ULK4: variants seen among roughly 807,000 people sequenced by gnomAD.
ULK4 encodes the protein unc-51 like kinase 4.
Under a neutral mutation model 160.6 loss-of-function variants are expected in ULK4, and 133 were observed. The observed-to-expected ratio is 0.83, with a 90% CI of 0.72 to 0.96. The LOEUF (loss-of-function observed/expected upper bound fraction) is 0.96, where lower values mean the gene tolerates loss of function less well. Among genes scored for constraint, ULK4 ranks in the 40% least tolerant of loss-of-function variants. The pLI, the probability that ULK4 is intolerant of heterozygous loss-of-function variation, is 0.00. For missense variants in ULK4, 1,580 were observed against 1,499.5 expected, an observed-to-expected ratio of 1.05 and a Z score of -0.89; for synonymous variants, 534 against 539.8, an observed-to-expected ratio of 0.99 and a Z score of 0.15.
intron 19 of ULK4, among the ~76,000 whole-genome samples, chr3:41,803,178 A>G (rs986670121): frequency 6.6e-6 from 1 of 152,090 alleles, no homozygotes; most frequent in African/African-American, 2.4e-5. Context: ...TCTCAAAAAA[A>G]AAAAGATTTG....
chr3:41,609,278 A>T (rs182354073), intron 31 of ULK4, among the ~76,000 whole-genome samples: 29 of 152,284 alleles, frequency 1.9e-4, no homozygotes, highest in African/African-American at 7.0e-4. Context: ...AGTTCAGCCC[A>T]TTTATTCAGG....
At chr3:41,433,866 C>T (rs2082971789) in intron 34 of ULK4, among the ~76,000 whole-genome samples, 1 of 152,180 alleles carries the variant, frequency 6.6e-6, no homozygotes, top group African/African-American at 2.4e-5. Flanking sequence ...ACTACAGGCG[C>T]CCGCCACCAC....
At chr3:41,952,057 A>C (rs1700310627) in intron 2 of ULK4, among the ~76,000 whole-genome samples, 1 of 152,218 alleles carries the variant, frequency 6.6e-6, no homozygotes, top group Non-Finnish European at 1.5e-5. Flanking sequence ...TTTAACTCAA[A>C]ATGAGTCAAA....
intron 19 of ULK4, among the ~76,000 whole-genome samples, chr3:41,816,087 T>A (rs895299123): frequency 1.3e-5 from 2 of 151,888 alleles, no homozygotes; most frequent in Non-Finnish European, 2.9e-5. Context: ...TGTATGTGTA[T>A]ACACACATAC....
chr3:41,570,120 T>C (rs1014791329), intron 31 of ULK4, among the ~76,000 whole-genome samples: 4 of 152,206 alleles, frequency 2.6e-5, no homozygotes, highest in Non-Finnish European at 4.4e-5. Flanking sequence ...ACACTGCATC[T>C]GACTCTGAAA....
At chr3:41,626,529 C>CTTTTT (rs767066822) in intron 30 of ULK4, among the ~76,000 whole-genome samples, 1 of 135,030 alleles carries the variant, frequency 7.4e-6, no homozygotes, top group Non-Finnish European at 1.6e-5. Flanking sequence ...AAGTACATTG[C>CTTTTT]TTTTTTTTTT....
intron 17 of ULK4, among the ~76,000 whole-genome samples, chr3:41,841,028 C>T (rs563267048): frequency 1.9e-4 from 28 of 148,438 alleles, no homozygotes; most frequent in Non-Finnish European, 3.1e-4. Flanking sequence ...CCGGCCGCCC[C>T]GTCTGGGAAG....
chr3:41,554,031 A>G (rs1041109988), intron 32 of ULK4, among the ~76,000 whole-genome samples: 6 of 152,046 alleles, frequency 3.9e-5, no homozygotes, highest in African/African-American at 1.4e-4. Context: ...ATCTATCTCC[A>G]TAAGTTCAAT....
At chr3:41,823,183 G>C (rs995381884) in intron 18 of ULK4, among the ~76,000 whole-genome samples, 2 of 152,134 alleles carry the variant, frequency 1.3e-5, no homozygotes, top group African/African-American at 2.4e-5. Context: ...AGGGATTTTT[G>C]AGCACACAGA....
intron 34 of ULK4, among the ~76,000 whole-genome samples, chr3:41,437,768 G>C (rs1207973835): frequency 5.3e-5 from 8 of 152,148 alleles, no homozygotes; most frequent in Non-Finnish European, 1.2e-4. Flanking sequence ...AGCAACCCAA[G>C]GCTAAGGCTT....
chr3:41,516,203 T>C (rs1003712319), intron 32 of ULK4, among the ~76,000 whole-genome samples: 10 of 152,200 alleles, frequency 6.6e-5, no homozygotes, highest in Non-Finnish European at 1.5e-5. Flanking sequence ...TAGACAACAA[T>C]TCTGAGAAAG....
intron 17 of ULK4, among the ~76,000 whole-genome samples, chr3:41,849,722 G>A (rs150533463): frequency 2.4e-3 from 360 of 152,312 alleles, no homozygotes; most frequent in African/African-American, 8.0e-3. Flanking sequence ...TGTTAATAGG[G>A]AAGGCTGTAC....
At chr3:41,683,571 T>C (rs2035993675) in intron 27 of ULK4, among the ~76,000 whole-genome samples, 1 of 151,390 alleles carries the variant, frequency 6.6e-6, no homozygotes, top group African/African-American at 2.4e-5. Flanking sequence ...CCCCAGACAA[T>C]GCTTTTCCTT....
At chr3:41,703,282 A>AATTTT (rs1458125432) in intron 27 of ULK4, among the ~76,000 whole-genome samples, 1 of 152,146 alleles carries the variant, frequency 6.6e-6, no homozygotes, top group Non-Finnish European at 1.5e-5. Flanking sequence ...ATGACCTCAT[A>AATTTT]ATGGGCTATA....
At chr3:41,339,238 G>A (rs2080630010) in intron 35 of ULK4, among the ~76,000 whole-genome samples, 1 of 152,014 alleles carries the variant, frequency 6.6e-6, no homozygotes, top group Non-Finnish European at 1.5e-5. Flanking sequence ...CCCTGTCCAG[G>A]GGCCTGCACC....
At chr3:41,478,848 T>C (rs1229755929) in intron 32 of ULK4, among the ~76,000 whole-genome samples, 1 of 152,250 alleles carries the variant, frequency 6.6e-6, no homozygotes. Flanking sequence ...TAAGATACAA[T>C]GTTACTTATG....
intron 17 of ULK4, among the ~76,000 whole-genome samples, chr3:41,878,705 A>C (rs1261171657): frequency 2.8e-5 from 4 of 145,374 alleles, no homozygotes; most frequent in Non-Finnish European, 6.0e-5. Context: ...AAGAGTGAGG[A>C]GTTCCTGACT....
intron 32 of ULK4, among the ~76,000 whole-genome samples, chr3:41,528,359 T>C (rs2700437): frequency 0.49 from 73,844 of 152,008 alleles, 18,136 homozygotes; most frequent in Admixed American, 0.54. Flanking sequence ...ATTATATACT[T>C]GAATTCATCA....
chr3:41,505,201 C>T (rs1446616286), intron 32 of ULK4, among the ~76,000 whole-genome samples: 1 of 152,128 alleles, frequency 6.6e-6, no homozygotes, highest in East Asian at 1.9e-4. Flanking sequence ...GATGAATTTT[C>T]ACAAACTGGA....
Sources: gnomAD v4.1 joint callset for allele counts (sites outside exome capture counted in the v4.1 genomes callset) on GRCh38, gnomAD v4.1.1 for gene constraint, MANE v1.5 for transcripts, NCBI Gene and HGNC (gene_info 2026-07-23, HGNC 2026-07-21) for gene names.